KBTBD2: variants seen among roughly 807,000 people sequenced by gnomAD.
The protein encoded by KBTBD2 is kelch repeat and BTB domain-containing protein 2.
In KBTBD2, 17 loss-of-function variants were observed where a neutral mutation model predicts 57.1. The ratio of observed to expected loss-of-function variants is 0.30; its 90% CI spans 0.20 to 0.45. The LOEUF (loss-of-function observed/expected upper bound fraction) is 0.45. KBTBD2 is among the 20% of genes least tolerant of loss of function. KBTBD2 has a pLI of 1.00. For missense variants in KBTBD2, 515 were observed against 750.6 expected (o/e 0.69, Z 3.67); for synonymous variants, 267 against 262.7 (o/e 1.02, Z -0.16).
rs557314954 is a variant in KBTBD2 at position 32,883,405 on chromosome 7, A to C, written c.-338-3463T>G. On this transcript the variant is annotated intron_variant, in intron 1 of 3. Transcript: ENST00000304056. ...CTGTCTCACGAAAATAAAAATAAAAATGTGAAAATTTGCAAAGTTTAGGAC... is the reference window on the plus strand; with the variant it reads ...CTGTCTCACGAAAATAAAAATAAAACTGTGAAAATTTGCAAAGTTTAGGAC... Among the ~76,000 whole-genome samples, 7 of 152,292 alleles carry C rather than the reference A, an allele frequency of 4.6e-5. No homozygotes were observed. In the South Asian group the frequency reaches 1.4e-3, roughly 32 times the overall value.
chr7:32,869,119 A>G lies in KBTBD2; in HGVS notation c.*226T>C, dbSNP rs902825634. The G allele has an allele frequency of 2.2e-6, 1 of 447,512 alleles. No homozygotes were observed. Among genetic ancestry groups the G allele is most frequent in the Admixed American group, 4.0e-5 (1 of 25,004 alleles). 27.7% of individuals were successfully genotyped at this position (447,512 alleles called of 1,614,324 possible). A position where few individuals can be genotyped will look rare whatever the true frequency, so the allele number is the denominator to read the frequency against. On this transcript the variant is annotated 3_prime_UTR_variant, in exon 4 of 4. Transcript: ENST00000304056. ...CTTATACTCTCATGATTACACATAA[A>G]GTTTCTCAATTATTGAATAATCTAT...
chr7:32,870,431 C>G lies in KBTBD2; in HGVS notation c.786G>C (p.Gly262=). 4 of 1,613,892 alleles carry G rather than the reference C, an allele frequency of 2.5e-6. No individual in the cohort carries two copies. The highest frequency in any genetic ancestry group is 1.3e-5 in the African/African-American group (1 of 74,996). The stretch of plus-strand genomic sequence containing the variant: ...AAATCATCATTTCCTCTTTAGTCAT[C>G]CCAAGTCTTGGTTTGAAAAACTTGG... ...SMPKFFKPRL[G]MTKEEMMIFI... is the part of the protein sequence containing the mutation. The change falls in exon 4 of 4, where the codon GGG becomes GGC. Residue 262 remains glycine, a synonymous_variant. Transcript: ENST00000304056.
chr7:32,876,602 T>C (rs1464330522), intron 2 of KBTBD2, among the ~76,000 whole-genome samples: 2 of 152,188 alleles, frequency 1.3e-5, no homozygotes, highest in Non-Finnish European at 2.9e-5. Context: ...GCTATCAGGC[T>C]ATGACAATAA....
At chr7:32,881,340 G>A (rs969753105) in intron 1 of KBTBD2, among the ~76,000 whole-genome samples, 1 of 151,708 alleles carries the variant, frequency 6.6e-6, no homozygotes, top group Non-Finnish European at 1.5e-5. Flanking sequence ...TACAAATCAG[G>A]AAAAGAGGAA....
rs138913509 is a variant in KBTBD2 at position 32,888,163 on chromosome 7, T to C, written c.-339+3373A>G. On this transcript the variant is annotated intron_variant, in intron 1 of 3. Coordinates refer to ENST00000304056, the MANE Select transcript of KBTBD2 (RefSeq NM_015483.3). ...AATATTGGGACTTTTTTGCAAACAT[T>C]TGACACTTGAAATCTGAATTCAGTG... is the stretch of plus-strand genomic sequence containing the variant. 3.2e-4 allele frequency among the ~76,000 whole-genome samples: 48 copies of C among 152,370 alleles called. 1 individual carries two copies. Among genetic ancestry groups the C allele is most frequent in the African/African-American group, 9.9e-4 (41 of 41,596 alleles).
intron 1 of KBTBD2, among the ~76,000 whole-genome samples, chr7:32,884,622 G>C (rs921724699): frequency 6.7e-6 from 1 of 148,774 alleles, no homozygotes; most frequent in Non-Finnish European, 1.5e-5. Context: ...CCCAGGAGGA[G>C]GAGGTTGCAG....
intron 2 of KBTBD2, 56 bp downstream of exon 2, chr7:32,879,379 T>C: frequency 1.5e-6 from 2 of 1,365,872 alleles, no homozygotes. Context: ...TGTGGCTTTT[T>C]AAAAAATTAA....
Position 32,875,089 on chromosome 7 carries a change from G to A in KBTBD2, c.239C>T (p.Ala80Val). The change falls in exon 3 of 4, where the codon GCC becomes GTC. Residue 80 changes from alanine to valine, a missense_variant. Transcript: ENST00000304056. ...ATAAGTTATTATTATCTGTAAGGTG[G>A]CAGCATCGACATTCCTCAGGTGTAC... ...THVHLRNVDA[A>V]TLQIIITYAY... 2 of 1,614,098 alleles carry A rather than the reference G, an allele frequency of 1.2e-6. No homozygotes were observed. Among genetic ancestry groups the A allele is most frequent in the Non-Finnish European group, 1.7e-6 (2 of 1,179,944 alleles).
intron 2 of KBTBD2, among the ~76,000 whole-genome samples, chr7:32,877,740 A>G (rs1052850459): frequency 6.6e-6 from 1 of 152,160 alleles, no homozygotes; most frequent in African/African-American, 2.4e-5. Context: ...TATTTATTTA[A>G]TAAATATCTG....
chr7:32,884,997 T>C (rs1313614537), intron 1 of KBTBD2, among the ~76,000 whole-genome samples: 5 of 83,726 alleles, frequency 6.0e-5, no homozygotes, highest in Non-Finnish European at 1.1e-4. Flanking sequence ...TATACACATA[T>C]ATGTGTATAT....
Position 32,870,950 on chromosome 7 carries a change from C to T in KBTBD2, c.337-70G>A, listed in dbSNP as rs892945480. 25 of 884,380 alleles carry T rather than the reference C, an allele frequency of 2.8e-5. 1 individual carries two copies. The South Asian group carries it at 3.5e-4, about 12-fold the overall frequency. 54.8% of individuals were successfully genotyped at this position (884,380 alleles called of 1,614,324 possible). A position where few individuals can be genotyped will look rare whatever the true frequency, so the allele number is the denominator to read the frequency against. ...AGACACATTTTACTTTTATGTAAGACGTAAGTATATTAATCAGATGCCCAT... is the reference window on the plus strand; with the variant it reads ...AGACACATTTTACTTTTATGTAAGATGTAAGTATATTAATCAGATGCCCAT... On this transcript the variant is annotated intron_variant, in intron 3 of 3. Transcript: ENST00000304056.
Position 32,878,698 on chromosome 7 carries a change from A to G in KBTBD2, c.170+737T>C, listed in dbSNP as rs150693605. 5.5e-3 allele frequency among the ~76,000 whole-genome samples: 845 copies of G among 152,262 alleles called. 11 individuals are homozygous for G. The highest frequency in any genetic ancestry group is 5.8e-3 in the Non-Finnish European group (396 of 68,024). On this transcript the variant is annotated intron_variant, in intron 2 of 3. Transcript: ENST00000304056. ...ACAGGTCCACATTTAATTCACCTTTATTCTCCCTGTCCCTTTCAAATATTA... is the reference window on the plus strand; with the variant it reads ...ACAGGTCCACATTTAATTCACCTTTGTTCTCCCTGTCCCTTTCAAATATTA...
At chr7:32,890,820 T>A (rs1478023368) in intron 1 of KBTBD2, among the ~76,000 whole-genome samples, 1 of 152,202 alleles carries the variant, frequency 6.6e-6, no homozygotes, top group East Asian at 1.9e-4. Context: ...GGTAGAGTTC[T>A]TAGATAGCTA....
chr7:32,881,928 A>G (rs1784454158), intron 1 of KBTBD2, among the ~76,000 whole-genome samples: 1 of 152,226 alleles, frequency 6.6e-6, no homozygotes, highest in Non-Finnish European at 1.5e-5. Flanking sequence ...CATGTACCCT[A>G]CATTATGAAA....
intron 1 of KBTBD2, among the ~76,000 whole-genome samples, chr7:32,880,898 C>T (rs1194449415): frequency 6.6e-6 from 1 of 151,956 alleles, no homozygotes; most frequent in Non-Finnish European, 1.5e-5. Flanking sequence ...GTCAGGAGTT[C>T]GAGACCATCC....
In KBTBD2 at chr7:32,879,470, A is replaced by G. The variant is rs1784396760; in HGVS notation, c.135T>C (p.His45=). The change falls in exon 2 of 4, where the codon CAT becomes CAC. Residue 45 remains histidine (H), a synonymous_variant. Coordinates refer to ENST00000304056, the MANE Select transcript of KBTBD2 (RefSeq NM_015483.3). ...AGCTACATGTTGCAAGAACCATCTTATGACAAGGGAATTCAGTGCCCTCAA... is the reference window on the plus strand; with the variant it reads ...AGCTACATGTTGCAAGAACCATCTTGTGACAAGGGAATTCAGTGCCCTCAA... ...LIVEGTEFPC[H]KMVLATCSSY... is the part of the protein sequence containing the mutation. The G allele has an allele frequency of 6.2e-7, 1 of 1,613,092 alleles. No homozygotes were observed. Among genetic ancestry groups the G allele is most frequent in the African/African-American group, 1.3e-5 (1 of 75,034 alleles).
chr7:32,890,477 C>G (rs748340352), intron 1 of KBTBD2, among the ~76,000 whole-genome samples: 2 of 152,146 alleles, frequency 1.3e-5, no homozygotes, highest in South Asian at 2.1e-4. Flanking sequence ...TACTCAAATT[C>G]GGCAAAAATG....
chr7:32,877,515 AG>A (rs1784342842), intron 2 of KBTBD2, among the ~76,000 whole-genome samples: 1 of 152,182 alleles, frequency 6.6e-6, no homozygotes, highest in South Asian at 2.1e-4. Flanking sequence ...CAAACTACAA[AG>A]GAAGAATGTA....
At chr7:32,879,309 G>C in intron 2 of KBTBD2, 126 bp downstream of exon 2, 1 of 623,950 alleles carries the variant, frequency 1.6e-6, no homozygotes, top group South Asian at 2.2e-5. Flanking sequence ...AATGAGATTT[G>C]CCAAGTACTA....
Sources: allele counts gnomAD v4.1 joint callset (sites outside exome capture counted in the v4.1 genomes callset), GRCh38; gene constraint gnomAD v4.1.1; transcripts MANE v1.5; gene names NCBI Gene and HGNC (gene_info 2026-07-23, HGNC 2026-07-21).